The following RAD51B variants were observed in gnomAD, a reference collection of about 807,000 sequenced individuals.
The protein encoded by RAD51B is RAD51 paralog B, also known as DNA repair protein RAD51 homolog 2.
RAD51B carries 38 observed loss-of-function variants against 42.2 expected under a neutral mutation model. That is an observed-to-expected ratio of 0.90 (90% CI 0.70 to 1.18). The LOEUF is 1.18. Ranked by LOEUF, RAD51B falls within the 50% of genes most tolerant of loss-of-function variation. The probability of loss-of-function intolerance (pLI) is 0.00; values close to 1 mark genes in which losing one functional copy is unlikely to be tolerated. For missense variants in RAD51B, 373 were observed against 400.7 expected, an observed-to-expected ratio of 0.93 and a Z score of 0.59; for synonymous variants, 154 against 145.2, an observed-to-expected ratio of 1.06 and a Z score of -0.43.
chr14:68,011,438 CT>C (rs1212790667), intron 7 of RAD51B, among the ~76,000 whole-genome samples: 2 of 151,908 alleles, frequency 1.3e-5, no homozygotes, highest in African/African-American at 2.4e-5. Context: ...AAGTAATTAG[CT>C]TTTTCCTAAT....
intron 7 of RAD51B, among the ~76,000 whole-genome samples, chr14:68,245,839 C>A (rs542498139): frequency 6.6e-6 from 1 of 152,154 alleles, no homozygotes; most frequent in Non-Finnish European, 1.5e-5. Context: ...ATGGGCCTGA[C>A]CCTCATGGAT....
intron 7 of RAD51B, among the ~76,000 whole-genome samples, chr14:68,220,854 C>T (rs2140962689): frequency 6.6e-6 from 1 of 152,306 alleles, no homozygotes. Context: ...CAACCCCGGC[C>T]AGGCATGGTG....
intron 8 of RAD51B, among the ~76,000 whole-genome samples, chr14:68,295,050 G>T (rs915055930): frequency 6.6e-6 from 1 of 152,200 alleles, no homozygotes; most frequent in African/African-American, 2.4e-5. Context: ...TTTGTGAAAG[G>T]CAGGCTGCAA....
In RAD51B at chr14:68,477,762, G is replaced by A. The variant is rs777075049; in HGVS notation, c.*98G>A. 1.1e-5 allele frequency: 17 copies of A among 1,570,932 alleles called. No individual in the cohort carries two copies. Among genetic ancestry groups the A allele is most frequent in the Admixed American group, 2.1e-5 (1 of 47,812 alleles). On this transcript the variant is annotated 3_prime_UTR_variant, in exon 11 of 11. Transcript: ENST00000471583. ...AGAAGGAAACGGAAGCTGACATAATGGGGATTAATTAGTTGATTGCTGTTG... is the reference window on the plus strand; with the variant it reads ...AGAAGGAAACGGAAGCTGACATAATAGGGATTAATTAGTTGATTGCTGTTG...
chr14:68,292,928 C>T (rs886422410), intron 8 of RAD51B, among the ~76,000 whole-genome samples: 1 of 152,218 alleles, frequency 6.6e-6, no homozygotes, highest in African/African-American at 2.4e-5. Flanking sequence ...TAACCCCTAT[C>T]AGCGAGGCTG....
intron 7 of RAD51B, among the ~76,000 whole-genome samples, chr14:67,987,346 C>A (rs2075212367): frequency 6.6e-6 from 1 of 152,124 alleles, no homozygotes; most frequent in African/African-American, 2.4e-5. Flanking sequence ...TCCCCACTAC[C>A]CTTCCCAGCC....
chr14:68,682,910 C>CT (rs535044457), intron 11 of RAD51B: 64,527 of 696,078 alleles, frequency 0.093, 2,266 homozygotes, highest in Admixed American at 0.13. Flanking sequence ...TAGCTTATGG[C>CT]TTTTTTTTTT....
intron 10 of RAD51B, among the ~76,000 whole-genome samples, chr14:68,558,462 T>C (rs1888972514): frequency 6.6e-6 from 1 of 152,234 alleles, no homozygotes; most frequent in African/African-American, 2.4e-5. Context: ...AGAGGTGTGA[T>C]ATCAAGGTTT....
chr14:68,339,248 C>G, intron 8 of RAD51B: 2 of 1,136,090 alleles, frequency 1.8e-6, no homozygotes, highest in Non-Finnish European at 2.6e-6. Flanking sequence ...GCTTAAGCAG[C>G]TGAGTAGCTG....
At chr14:67,829,847 A>G (rs1411300453) in intron 3 of RAD51B, among the ~76,000 whole-genome samples, 1 of 152,222 alleles carries the variant, frequency 6.6e-6, no homozygotes. Flanking sequence ...TTAGTTAATT[A>G]TAATAGTGCT....
intron 7 of RAD51B, among the ~76,000 whole-genome samples, chr14:68,170,178 A>G (rs1452652410): frequency 2.6e-5 from 4 of 152,244 alleles, no homozygotes; most frequent in East Asian, 3.9e-4. Context: ...TGAATTTGCT[A>G]TATTTCTTTA....
intron 11 of RAD51B, among the ~76,000 whole-genome samples, chr14:68,679,816 C>T (rs1893388885): frequency 6.6e-6 from 1 of 152,220 alleles, no homozygotes; most frequent in Non-Finnish European, 1.5e-5. Flanking sequence ...CCCTGATTGC[C>T]AAGTTGTAGG....
At chr14:68,166,586 A>T (rs2078758480) in intron 7 of RAD51B, among the ~76,000 whole-genome samples, 1 of 152,162 alleles carries the variant, frequency 6.6e-6, no homozygotes, top group Non-Finnish European at 1.5e-5. Flanking sequence ...ATAATTTGAG[A>T]ATACTTACCT....
intron 8 of RAD51B, among the ~76,000 whole-genome samples, chr14:68,330,669 A>G (rs917855342): frequency 6.6e-6 from 1 of 152,270 alleles, no homozygotes; most frequent in Non-Finnish European, 1.5e-5. Flanking sequence ...AATATTGTAT[A>G]TAGACAAACA....
At chr14:68,406,208 T>C (rs1299749389) in intron 8 of RAD51B, among the ~76,000 whole-genome samples, 1 of 152,206 alleles carries the variant, frequency 6.6e-6, no homozygotes, top group Non-Finnish European at 1.5e-5. Context: ...TATACAGTCA[T>C]ATGTCACTTA....
chr14:68,441,391 A>T (rs2085283049), intron 9 of RAD51B, among the ~76,000 whole-genome samples: 1 of 143,306 alleles, frequency 7.0e-6, no homozygotes, highest in Non-Finnish European at 1.5e-5. Flanking sequence ...AAAAACAAAA[A>T]ATTAGCCGGG....
chr14:67,925,276 CTTCT>C (rs1386863350), intron 7 of RAD51B, among the ~76,000 whole-genome samples: 1 of 147,288 alleles, frequency 6.8e-6, no homozygotes, highest in East Asian at 2.0e-4. Context: ...ATTTACCATT[CTTCT>C]TTTTTTTTTG....
chr14:68,108,421 AAAT>A (rs1442250778), intron 7 of RAD51B, among the ~76,000 whole-genome samples: 5 of 152,038 alleles, frequency 3.3e-5, no homozygotes, highest in African/African-American at 1.2e-4. Context: ...TTGTACAGTG[AAAT>A]ATTATTTAGT....
chr14:68,541,532 C>A (rs1224290915), intron 10 of RAD51B: 135 of 985,308 alleles, frequency 1.4e-4, no homozygotes, highest in Non-Finnish European at 1.6e-4. Flanking sequence ...GAAACTCATG[C>A]AGGTCAGAGG....
Sources: gnomAD v4.1 joint callset for allele counts (sites outside exome capture counted in the v4.1 genomes callset) on GRCh38, gnomAD v4.1.1 for gene constraint, MANE v1.5 for transcripts, NCBI Gene and HGNC (gene_info 2026-07-23, HGNC 2026-07-21) for gene names.